The following TMTC1 variants were observed in gnomAD, a reference collection of about 807,000 sequenced individuals.
TMTC1 encodes protein O-mannosyl-transferase TMTC1.
TMTC1 carries 73 observed loss-of-function variants against 104.8 expected under a neutral mutation model. The observed-to-expected ratio is 0.70, with a 90% CI of 0.58 to 0.85. The LOEUF is 0.85. Ranked by LOEUF, TMTC1 falls within the 40% of genes least tolerant of loss-of-function variation. The probability of loss-of-function intolerance (pLI) is 0.00; values close to 1 mark genes in which losing one functional copy is unlikely to be tolerated. For synonymous variants in TMTC1, 434 were observed against 428.7 expected, an observed-to-expected ratio of 1.01 and a Z score of -0.15; for missense variants, 1,035 against 1,096.1, an observed-to-expected ratio of 0.94 and a Z score of 0.79.
At chr12:29,515,186 G>A (rs549534082) in intron 15 of TMTC1, among the ~76,000 whole-genome samples, 1 of 152,128 alleles carries the variant, frequency 6.6e-6, no homozygotes, top group African/African-American at 2.4e-5. Context: ...ACAAGATTTG[G>A]CATCAGACGT....
intron 16 of TMTC1, among the ~76,000 whole-genome samples, chr12:29,513,104 A>G (rs1031724023): frequency 1.3e-5 from 2 of 152,198 alleles, no homozygotes; most frequent in African/African-American, 4.8e-5. Flanking sequence ...ATGGGAATGT[A>G]GTGTAGGAGA....
intron 2 of TMTC1, among the ~76,000 whole-genome samples, chr12:29,763,190 G>A (rs910842985): frequency 6.6e-6 from 1 of 152,214 alleles, no homozygotes; most frequent in Non-Finnish European, 1.5e-5. Flanking sequence ...GACTGTGCCA[G>A]CTGGATGTGC....
At chr12:29,630,586 T>C (rs1184374714) in intron 6 of TMTC1, among the ~76,000 whole-genome samples, 2 of 152,208 alleles carry the variant, frequency 1.3e-5, no homozygotes, top group African/African-American at 2.4e-5. Context: ...ACCATGTTCA[T>C]CCATGTCTGT....
At position 29,623,926 on chromosome 12, in the gene TMTC1, C is replaced by T. The variant is rs377565740; in HGVS notation, c.1128+9221G>A. On this transcript the variant is annotated intron_variant, in intron 6 of 17. Transcript: ENST00000539277. ...GCTGTCCTTTTCCTTCAGTCCCCAC[C>T]TCCTGCACTCCATGGACACACACAG... Among the ~76,000 whole-genome samples, 18 of 152,218 alleles carry T rather than the reference C, an allele frequency of 1.2e-4. No individual in the cohort carries two copies. In the East Asian group the frequency reaches 2.7e-3, roughly 23 times the overall value.
intron 11 of TMTC1, among the ~76,000 whole-genome samples, chr12:29,522,256 C>T (rs960021775): frequency 1.3e-5 from 2 of 152,090 alleles, no homozygotes; most frequent in Admixed American, 1.3e-4. Context: ...AGCCAAGAAG[C>T]CCAAATCTGA....
intron 1 of TMTC1, among the ~76,000 whole-genome samples, chr12:29,779,228 T>C (rs932381720): frequency 3.9e-5 from 6 of 152,346 alleles, no homozygotes; most frequent in Admixed American, 2.6e-4. Context: ...ACAAAACCTA[T>C]GCCAACATTC....
chr12:29,663,366 A>C (rs1401720196), intron 5 of TMTC1, among the ~76,000 whole-genome samples: 1 of 152,154 alleles, frequency 6.6e-6, no homozygotes, highest in Non-Finnish European at 1.5e-5. Context: ...TCTGAATAAA[A>C]AGGCACTTTC....
At chr12:29,550,167 T>G (rs1945056494) in intron 10 of TMTC1, among the ~76,000 whole-genome samples, 1 of 151,192 alleles carries the variant, frequency 6.6e-6, no homozygotes, top group African/African-American at 2.4e-5. Context: ...AAAAAAAAAA[T>G]TGAGAAATAT....
chr12:29,716,618 T>C (rs1942089383), intron 5 of TMTC1, among the ~76,000 whole-genome samples: 1 of 152,066 alleles, frequency 6.6e-6, no homozygotes, highest in Admixed American at 6.6e-5. Context: ...AGAAATATAA[T>C]ACAGTGACTA....
chr12:29,573,967 C>G (rs1376162277), intron 8 of TMTC1, among the ~76,000 whole-genome samples: 1 of 151,800 alleles, frequency 6.6e-6, no homozygotes, highest in African/African-American at 2.4e-5. Context: ...ACTGAGGAAC[C>G]TCAGAGAGGA....
intron 5 of TMTC1, among the ~76,000 whole-genome samples, chr12:29,731,153 A>G (rs1288816586): frequency 2.0e-5 from 3 of 152,186 alleles, no homozygotes; most frequent in African/African-American, 7.2e-5. Flanking sequence ...TAATAATCTA[A>G]AAGTCTAGCA....
chr12:29,669,487 G>A (rs1940421485), intron 5 of TMTC1, among the ~76,000 whole-genome samples: 1 of 152,146 alleles, frequency 6.6e-6, no homozygotes, highest in Non-Finnish European at 1.5e-5. Flanking sequence ...AAGAACAAGA[G>A]GTCCAGCAGC....
chr12:29,708,852 G>A (rs188949410), intron 5 of TMTC1, among the ~76,000 whole-genome samples: 1 of 152,272 alleles, frequency 6.6e-6, no homozygotes, highest in African/African-American at 2.4e-5. Flanking sequence ...CAGTTGAAAT[G>A]AGCATCTAAA....
At chr12:29,572,356 G>T in intron 8 of TMTC1, 138 bp from the exon 9 acceptor site, 1 of 717,294 alleles carries the variant, frequency 1.4e-6, no homozygotes, top group Non-Finnish European at 2.3e-6. Flanking sequence ...AGCCTACAAG[G>T]CTTCCAAAAT....
intron 5 of TMTC1, among the ~76,000 whole-genome samples, chr12:29,703,007 G>A (rs1018382391): frequency 1.8e-4 from 28 of 152,132 alleles, no homozygotes; most frequent in Middle Eastern, 3.4e-3. Context: ...AGTTAGGCAC[G>A]GTGGCGCGTG....
At chr12:29,749,238 A>T (rs940237114) in intron 5 of TMTC1, among the ~76,000 whole-genome samples, 1 of 151,948 alleles carries the variant, frequency 6.6e-6, no homozygotes, top group African/African-American at 2.4e-5. Flanking sequence ...GGATACACAC[A>T]CACACACACG....
At chr12:29,759,357 C>T (rs757278122) in intron 2 of TMTC1, among the ~76,000 whole-genome samples, 12 of 152,134 alleles carry the variant, frequency 7.9e-5, no homozygotes, top group Middle Eastern at 3.4e-3. Context: ...ATTAGCCACG[C>T]ATGGTGGCAC....
intron 5 of TMTC1, among the ~76,000 whole-genome samples, chr12:29,704,356 A>G (rs1591950865): frequency 6.6e-6 from 1 of 152,252 alleles, no homozygotes; most frequent in East Asian, 1.9e-4. Flanking sequence ...ATAAGGACTA[A>G]TGAATGAACG....
intron 15 of TMTC1, among the ~76,000 whole-genome samples, chr12:29,515,955 T>C (rs1440371133): frequency 6.6e-6 from 1 of 151,880 alleles, no homozygotes; most frequent in East Asian, 1.9e-4. Flanking sequence ...TCTTCCTATA[T>C]ATTCCTCTTC....
Sources: gnomAD v4.1 joint callset for allele counts (sites outside exome capture counted in the v4.1 genomes callset) on GRCh38, gnomAD v4.1.1 for gene constraint, MANE v1.5 for transcripts, NCBI Gene and HGNC (gene_info 2026-07-23, HGNC 2026-07-21) for gene names.